GPSM2: variants seen among roughly 807,000 people sequenced by gnomAD.
The protein encoded by GPSM2 is G protein signaling modulator 2.
A neutral mutation model predicts 78.4 loss-of-function variants in GPSM2; 58 were observed. The ratio of observed to expected loss-of-function variants is 0.74; its 90% CI spans 0.60 to 0.92. GPSM2 has a LOEUF of 0.92. GPSM2 is among the 40% of genes least tolerant of loss of function. The probability of loss-of-function intolerance (pLI) is 0.00; values close to 1 mark genes in which losing one functional copy is unlikely to be tolerated. For missense variants in GPSM2, 700 were observed against 815.5 expected (o/e 0.86, Z 1.73); for synonymous variants, 224 against 280.2 (o/e 0.80, Z 2.00).
chr1:108,931,260 A>G lies in GPSM2; in HGVS notation c.*1320A>G. The stretch of plus-strand genomic sequence containing the variant: ...ACTCACAAAAATTAAATATGAAAGA[A>G]AGATGTCAGCTAGAACCTTAGTTGT... On this transcript the variant is annotated 3_prime_UTR_variant, in exon 15 of 15. Transcript: ENST00000264126. 2 of 1,451,900 alleles carry G rather than the reference A, an allele frequency of 1.4e-6. No individual in the cohort carries two copies. Among genetic ancestry groups the G allele is most frequent in the Admixed American group, 2.7e-5 (1 of 37,682 alleles). 89.9% of individuals were successfully genotyped at this position (1,451,900 alleles called of 1,614,324 possible). A position where few individuals can be genotyped will look rare whatever the true frequency, so the allele number is the denominator to read the frequency against.
rs978628977 is a variant in GPSM2, at chr1:108,903,996, A to C, written c.1063-129A>C. ...AAAATTTTCATTCATTCATAGTCTC[A>C]TAATTCTAATATAACTATTTTCATT... On this transcript the variant is annotated intron_variant, in intron 9 of 14. Transcript: ENST00000264126. 2.4e-5 allele frequency: 17 copies of C among 703,476 alleles called. No individual in the cohort carries two copies. In the Admixed American group the frequency reaches 3.7e-4, roughly 15 times the overall value. The allele number at this position is 703,476 out of a possible 1,614,324, so 43.6% of individuals were successfully genotyped here.
chr1:108,904,342 GAATA>G, intron 10 of GPSM2, 88 bp downstream of exon 10: 1 of 789,702 alleles, frequency 1.3e-6, no homozygotes, highest in South Asian at 1.6e-5. Flanking sequence ...TATTCAGAGA[GAATA>G]TATAACATGG....
rs1651667689 is a variant in GPSM2 at position 108,930,107 on chromosome 1, A to T, written c.*167A>T. ...TATTAAGGCATTAATACTTCTCTGG[A>T]CATGCGCGTTTGAGGGTGGAGGGGT... is the stretch of plus-strand genomic sequence containing the variant. On this transcript the variant is annotated 3_prime_UTR_variant, in exon 15 of 15. Transcript: ENST00000264126. 3.0e-6 allele frequency: 2 copies of T among 658,958 alleles called. No individual in the cohort carries two copies. Among genetic ancestry groups the T allele is most frequent in the Non-Finnish European group, 5.1e-6 (2 of 392,212 alleles). The allele number at this position is 658,958 out of a possible 1,614,324, so 40.8% of individuals were successfully genotyped here. A position where few individuals can be genotyped will look rare whatever the true frequency, so the allele number is the denominator to read the frequency against.
chr1:108,917,611 C>CATACATAT (rs1650342861), intron 11 of GPSM2, among the ~76,000 whole-genome samples: 1 of 22,728 alleles, frequency 4.4e-5, no homozygotes, highest in Non-Finnish European at 7.8e-5. Flanking sequence ...CACACACACA[C>CATACATAT]ATATATATAT....
chr1:108,890,047 C>T (rs1414361480), intron 2 of GPSM2, among the ~76,000 whole-genome samples: 2 of 152,170 alleles, frequency 1.3e-5, no homozygotes, highest in Non-Finnish European at 2.9e-5. Context: ...AGATACAGCT[C>T]GGAGATTATC....
Position 108,933,770 on chromosome 1 carries a change from T to C in GPSM2, c.*3830T>C, listed in dbSNP as rs1042056818. ...ATGTAAAGTGCTGACTGATGTCCTG[T>C]CTGCAGTTAAGGAAGACACCCAACT... On this transcript the variant is annotated 3_prime_UTR_variant, in exon 15 of 15. Coordinates refer to ENST00000264126, the MANE Select transcript of GPSM2 (RefSeq NM_013296.5). 3 of 152,236 alleles carry C rather than the reference T, an allele frequency of 2.0e-5. No homozygotes were observed. Among genetic ancestry groups the C allele is most frequent in the Non-Finnish European group, 4.4e-5 (3 of 68,042 alleles). The allele number at this position is 152,236 out of a possible 1,614,324, so 9.4% of individuals were successfully genotyped here. A position where few individuals can be genotyped will look rare whatever the true frequency, so the allele number is the denominator to read the frequency against.
At chr1:108,911,026 A>G (rs1277036648) in intron 10 of GPSM2, among the ~76,000 whole-genome samples, 1 of 152,176 alleles carries the variant, frequency 6.6e-6, no homozygotes, top group Non-Finnish European at 1.5e-5. Flanking sequence ...TTAAATGAAA[A>G]TATTCCATTT....
At position 108,931,291 on chromosome 1, in the gene GPSM2, A is replaced by C; in HGVS notation, c.*1351A>C. On this transcript the variant is annotated 3_prime_UTR_variant, in exon 15 of 15. Transcript: ENST00000264126. ...TCAGCTAGAACCTTAGTTGTCATTA[A>C]GCTTTGTCTTCCTTATCCCAGATAT... 1 of 1,523,326 alleles carries C rather than the reference A, an allele frequency of 6.6e-7. No homozygotes were observed. The highest frequency in any genetic ancestry group is 8.8e-7 in the Non-Finnish European group (1 of 1,133,926). 94.4% of individuals were successfully genotyped at this position (1,523,326 alleles called of 1,614,324 possible).
In GPSM2 at chr1:108,918,659, T is replaced by C; in HGVS notation, c.1310T>C (p.Ile437Thr). Residue 437 changes from isoleucine to threonine, a missense_variant, in exon 12 of 15, where the codon ATT (isoleucine) becomes ACT (threonine). Coordinates refer to ENST00000264126, the MANE Select transcript of GPSM2 (RefSeq NM_013296.5). The stretch of plus-strand genomic sequence containing the variant: ...ATTCTTGCTAAGCAAAAACCTCTTA[T>C]TGCCAAACCTTCTGCAAAGCTACTC... ...SEILAKQKPL[I>T]AKPSAKLLFV... 16 of 1,613,584 alleles carry C rather than the reference T, an allele frequency of 9.9e-6. No individual in the cohort carries two copies. Among genetic ancestry groups the C allele is most frequent in the African/African-American group, 1.3e-5 (1 of 75,034 alleles).
intron 10 of GPSM2, among the ~76,000 whole-genome samples, chr1:108,911,208 CTTTAAGGCAA>C (rs1004316470): frequency 1.3e-4 from 20 of 152,120 alleles, no homozygotes; most frequent in African/African-American, 4.8e-4. Flanking sequence ...ATAAAATGTA[CTTTAAGGCAA>C]AGGGTCTTAC....
intron 11 of GPSM2, among the ~76,000 whole-genome samples, chr1:108,916,330 T>C (rs115915247): frequency 2.6e-4 from 40 of 151,950 alleles, no homozygotes; most frequent in African/African-American, 9.6e-4. Flanking sequence ...ATTATAACAA[T>C]AACATATGAT....
At chr1:108,916,078 CAA>C (rs59651066) in intron 11 of GPSM2, among the ~76,000 whole-genome samples, 9 of 105,162 alleles carry the variant, frequency 8.6e-5, no homozygotes, top group Admixed American at 3.2e-4. Context: ...CCTGTCTATA[CAA>C]AAAAAAAAAA....
intron 12 of GPSM2, among the ~76,000 whole-genome samples, chr1:108,919,132 C>T (rs1372113045): frequency 6.6e-6 from 1 of 151,954 alleles, no homozygotes; most frequent in Non-Finnish European, 1.5e-5. Flanking sequence ...CTCAGCCTCC[C>T]GAGTAGCTGC....
At chr1:108,922,347 G>T (rs1332885421) in intron 12 of GPSM2, 70 bp from the exon 13 acceptor site, 2 of 1,098,974 alleles carry the variant, frequency 1.8e-6, no homozygotes, top group African/African-American at 3.1e-5. Flanking sequence ...AATGCATCAT[G>T]ATGTTCATTG....
intron 12 of GPSM2, among the ~76,000 whole-genome samples, chr1:108,920,376 G>A (rs1650609477): frequency 6.6e-6 from 1 of 151,874 alleles, no homozygotes; most frequent in Admixed American, 6.6e-5. Flanking sequence ...GGCTGAGGCA[G>A]GAGAATTGCT....
intron 11 of GPSM2, among the ~76,000 whole-genome samples, chr1:108,914,826 T>C (rs1372532388): frequency 6.6e-6 from 1 of 152,184 alleles, no homozygotes; most frequent in Non-Finnish European, 1.5e-5. Context: ...TTTCCCCAAC[T>C]ACATAGCAAC....
intron 11 of GPSM2, 85 bp from the exon 12 acceptor site, chr1:108,918,528 C>A: frequency 1.0e-6 from 1 of 964,798 alleles, no homozygotes; most frequent in Non-Finnish European, 1.7e-6. Context: ...TAAGTGAGTA[C>A]GTCAGGTTAA....
Position 108,918,790 on chromosome 1 carries a change from G to A in GPSM2, c.1440+1G>A, listed in dbSNP as rs1249089858. ...CCACCGAATTCCAAATTCTCAGAGG[G>A]TACGTTTAAACTAAGTTTTTGAGTA... On this transcript the variant is annotated splice_donor_variant, in intron 12 of 14. Coordinates refer to ENST00000264126, the MANE Select transcript of GPSM2 (RefSeq NM_013296.5). LOFTEE classifies it high-confidence loss of function. 6.2e-7 allele frequency: 1 copy of A among 1,608,320 alleles called. No homozygotes were observed. Among genetic ancestry groups the A allele is most frequent in the Non-Finnish European group, 8.5e-7 (1 of 1,174,858 alleles).
rs770979188 is a variant in GPSM2, at chr1:108,898,679, G to A, written c.595G>A (p.Ala199Thr). The change falls in exon 6 of 15, where the codon GCG becomes ACG. Residue 199 changes from alanine (A) to threonine (T), a missense_variant. Coordinates refer to ENST00000264126, the MANE Select transcript of GPSM2 (RefSeq NM_013296.5). ...LSLVTALGDR[A>T]AQGRAFGNLG... ...ATTAGTGACTGCTTTGGGTGACCGAGCGGCACAAGGACGTGCCTTTGGAAA... is the reference window on the plus strand; with the variant it reads ...ATTAGTGACTGCTTTGGGTGACCGAACGGCACAAGGACGTGCCTTTGGAAA... The A allele has an allele frequency of 6.2e-7, 1 of 1,613,740 alleles. No individual in the cohort carries two copies. The highest frequency in any genetic ancestry group is 8.5e-7 in the Non-Finnish European group (1 of 1,179,688).
Sources: gnomAD v4.1 joint callset for allele counts (sites outside exome capture counted in the v4.1 genomes callset) on GRCh38, gnomAD v4.1.1 for gene constraint, MANE v1.5 for transcripts, NCBI Gene and HGNC (gene_info 2026-07-23, HGNC 2026-07-21) for gene names.